AFF3: variants seen among roughly 807,000 people sequenced by gnomAD.
AFF3 encodes the protein AF4/FMR2 family member 3.
AFF3 carries 32 observed loss-of-function variants against 129.7 expected under a neutral mutation model. The observed-to-expected ratio is 0.25, with a 90% CI of 0.19 to 0.33. AFF3 has a LOEUF of 0.33. Ranked by LOEUF, AFF3 falls within the 10% of genes least tolerant of loss-of-function variation. The pLI, the probability that AFF3 is intolerant of heterozygous loss-of-function variation, is 1.00. For missense variants in AFF3, 1,373 were observed against 1,592.0 expected (o/e 0.86, Z 2.34); for synonymous variants, 644 against 635.4 (o/e 1.01, Z -0.20).
At chr2:99,553,917 C>CAAAA (rs1674649199) in intron 24 of AFF3, among the ~76,000 whole-genome samples, 2,372 of 72,284 alleles carry the variant, frequency 0.033, 4 homozygotes, top group Middle Eastern at 0.054. Flanking sequence ...CTGTCTCAAA[C>CAAAA]CAAAAAAAAA....
At chr2:99,572,963 C>A (rs755568437) in intron 18 of AFF3, among the ~76,000 whole-genome samples, 1 of 152,150 alleles carries the variant, frequency 6.6e-6, no homozygotes, top group Non-Finnish European at 1.5e-5. Context: ...CAGGCACAAG[C>A]GGTCATTCAC....
At chr2:99,729,654 G>C (rs534049659) in intron 10 of AFF3, among the ~76,000 whole-genome samples, 2 of 152,144 alleles carry the variant, frequency 1.3e-5, no homozygotes, top group African/African-American at 4.8e-5. Flanking sequence ...GAGAATTATG[G>C]TCTCTTTATT....
At chr2:99,955,558 TG>T (rs1676562747) in intron 7 of AFF3, among the ~76,000 whole-genome samples, 1 of 152,238 alleles carries the variant, frequency 6.6e-6, no homozygotes, top group Non-Finnish European at 1.5e-5. Context: ...GTCATATTTC[TG>T]GTGTCCACAG....
At chr2:99,914,966 A>C (rs1001350775) in intron 7 of AFF3, among the ~76,000 whole-genome samples, 2 of 152,104 alleles carry the variant, frequency 1.3e-5, no homozygotes, top group Non-Finnish European at 2.9e-5. Context: ...TCATGCCTGC[A>C]ACTTACTCTC....
At chr2:99,615,242 G>A (rs1681302051) in intron 13 of AFF3, among the ~76,000 whole-genome samples, 1 of 152,210 alleles carries the variant, frequency 6.6e-6, no homozygotes, top group African/African-American at 2.4e-5. Flanking sequence ...GAGGGCCCTG[G>A]AGGACGCCAG....
intron 13 of AFF3, among the ~76,000 whole-genome samples, chr2:99,624,366 A>G (rs1415877045): frequency 6.6e-6 from 1 of 152,198 alleles, no homozygotes; most frequent in Non-Finnish European, 1.5e-5. Context: ...ATAATTTTGA[A>G]TTAAAACTAC....
At chr2:100,056,482 T>C (rs1262862802) in intron 4 of AFF3, among the ~76,000 whole-genome samples, 1 of 152,140 alleles carries the variant, frequency 6.6e-6, no homozygotes, top group Non-Finnish European at 1.5e-5. Flanking sequence ...GGCATCCTAT[T>C]CTCCTTGATT....
At chr2:99,795,169 A>G (rs931301062) in intron 8 of AFF3, among the ~76,000 whole-genome samples, 12 of 152,198 alleles carry the variant, frequency 7.9e-5, no homozygotes, top group Admixed American at 5.9e-4. Context: ...AGTAGTGTGC[A>G]TATAAACACA....
At chr2:99,715,659 T>G (rs1397216505) in intron 11 of AFF3, among the ~76,000 whole-genome samples, 1 of 148,502 alleles carries the variant, frequency 6.7e-6, no homozygotes, top group Middle Eastern at 3.5e-3. Context: ...CTGATTTATG[T>G]AGGTCATTTC....
chr2:99,789,381 G>C (rs970808628), intron 8 of AFF3, among the ~76,000 whole-genome samples: 1 of 144,498 alleles, frequency 6.9e-6, no homozygotes, highest in Non-Finnish European at 1.5e-5. Flanking sequence ...TCAAGAGTTC[G>C]AGGCTGCAGT....
At chr2:99,821,551 T>C (rs796108160) in intron 8 of AFF3, among the ~76,000 whole-genome samples, 5 of 152,340 alleles carry the variant, frequency 3.3e-5, no homozygotes, top group African/African-American at 1.2e-4. Flanking sequence ...CGAATTTTTG[T>C]TGGGCCGCAT....
chr2:99,889,359 A>T (rs1693366114), intron 7 of AFF3, among the ~76,000 whole-genome samples: 1 of 152,242 alleles, frequency 6.6e-6, no homozygotes, highest in Non-Finnish European at 1.5e-5. Context: ...GTTTCAATCC[A>T]AGTCCTTTTA....
At chr2:99,948,378 G>C (rs1344077941) in intron 7 of AFF3, among the ~76,000 whole-genome samples, 1 of 152,146 alleles carries the variant, frequency 6.6e-6, no homozygotes, top group Non-Finnish European at 1.5e-5. Flanking sequence ...TGCTCATAGT[G>C]CCTCGGGTTC....
At chr2:99,919,597 A>G (rs1478739052) in intron 7 of AFF3, among the ~76,000 whole-genome samples, 2 of 152,208 alleles carry the variant, frequency 1.3e-5, no homozygotes, top group Non-Finnish European at 2.9e-5. Flanking sequence ...TTTAAAAAGT[A>G]TTTCATACTA....
chr2:99,564,597 A>G (rs1217411555), intron 20 of AFF3, among the ~76,000 whole-genome samples: 3 of 152,112 alleles, frequency 2.0e-5, no homozygotes, highest in Non-Finnish European at 2.9e-5. Flanking sequence ...GCTGGAAACT[A>G]TTTACTGAGG....
intron 8 of AFF3, among the ~76,000 whole-genome samples, chr2:99,772,408 A>G (rs1683565523): frequency 6.6e-6 from 1 of 152,214 alleles, no homozygotes; most frequent in Admixed American, 6.5e-5. Flanking sequence ...AACAATGTAC[A>G]CACAAATACA....
intron 7 of AFF3, among the ~76,000 whole-genome samples, chr2:99,841,919 C>T (rs111277825): frequency 1.3e-5 from 2 of 152,274 alleles, no homozygotes; most frequent in African/African-American, 4.8e-5. Flanking sequence ...TAAAAGAATG[C>T]AGATAGTATT....
intron 4 of AFF3, among the ~76,000 whole-genome samples, chr2:100,051,565 C>T (rs1686339413): frequency 6.6e-6 from 1 of 152,178 alleles, no homozygotes; most frequent in Admixed American, 6.5e-5. Context: ...TCTTGCTAGT[C>T]CCCTTTCCCA....
At chr2:100,038,204 C>G (rs1685130550) in intron 4 of AFF3, among the ~76,000 whole-genome samples, 1 of 151,998 alleles carries the variant, frequency 6.6e-6, no homozygotes, top group South Asian at 2.1e-4. Flanking sequence ...CTCAGCTGGG[C>G]TGGCACATCT....
Sources: gnomAD v4.1 joint callset for allele counts (sites outside exome capture counted in the v4.1 genomes callset) on GRCh38, gnomAD v4.1.1 for gene constraint, MANE v1.5 for transcripts, NCBI Gene and HGNC (gene_info 2026-07-23, HGNC 2026-07-21) for gene names.